The following DGKH variants were observed in gnomAD, a reference collection of about 807,000 sequenced individuals.
DGKH encodes the protein diacylglycerol kinase eta, also known as DAG kinase eta.
A neutral mutation model predicts 159.3 loss-of-function variants in DGKH; 90 were observed. The observed-to-expected ratio is 0.57, with a 90% CI of 0.48 to 0.67. The LOEUF (loss-of-function observed/expected upper bound fraction) is 0.67. Ranked by LOEUF, DGKH falls within the 30% of genes least tolerant of loss-of-function variation. The pLI is 0.00. For missense variants in DGKH, 1,181 were observed against 1,506.1 expected (o/e 0.78, Z 3.57); for synonymous variants, 536 against 553.8 (o/e 0.97, Z 0.45).
chr13:42,045,247 A>G (rs1269573793), upstream of DGKH, among the ~76,000 whole-genome samples: 1 of 152,202 alleles, frequency 6.6e-6, no homozygotes, highest in East Asian at 1.9e-4. Flanking sequence ...CCCAGAGTTT[A>G]AGGACGCAGT....
chr13:42,164,521 G>A (rs1214486906), intron 7 of DGKH, among the ~76,000 whole-genome samples: 1 of 152,082 alleles, frequency 6.6e-6, no homozygotes, highest in Admixed American at 6.5e-5. Flanking sequence ...TTTTCTAAAA[G>A]GACTAATAAA....
chr13:42,127,436 T>C (rs754758594), intron 1 of DGKH, 27 bp from the exon 2 acceptor site: 2 of 1,517,840 alleles, frequency 1.3e-6, no homozygotes, highest in Non-Finnish European at 1.8e-6. Context: ...ATTTTAATCG[T>C]GTCATTGTGC....
At position 42,168,882 on chromosome 13, in the gene DGKH, A is replaced by G. The variant is rs111844623; in HGVS notation, c.1367+64A>G. 18 of 1,494,470 alleles carry G rather than the reference A, an allele frequency of 1.2e-5. No individual in the cohort carries two copies. In the African/African-American group the frequency reaches 1.6e-4, roughly 13 times the overall value. The allele number at this position is 1,494,470 out of a possible 1,614,324, so 92.6% of individuals were successfully genotyped here. On this transcript the variant is annotated intron_variant, in intron 11 of 29. Transcript: ENST00000337343. ...GCATACTGAAATCATTTTTTTGATG[A>G]TTTCTTAATAAATATTTATTAATAA...
chr13:42,245,679 A>G (rs1958575717), downstream of DGKH, among the ~76,000 whole-genome samples: 1 of 151,976 alleles, frequency 6.6e-6, no homozygotes, highest in Admixed American at 6.6e-5. Flanking sequence ...ACCGCCTCCC[A>G]GGTTCAAGGG....
chr13:42,228,631 A>G (rs2138281814), intron 29 of DGKH, among the ~76,000 whole-genome samples: 1 of 149,236 alleles, frequency 6.7e-6, no homozygotes, highest in East Asian at 1.9e-4. Context: ...GGAGAGAGAG[A>G]AGAAAAAGAA....
At chr13:42,063,964 T>C (rs938150987) in intron 1 of DGKH, among the ~76,000 whole-genome samples, 1 of 150,710 alleles carries the variant, frequency 6.6e-6, no homozygotes, top group East Asian at 2.0e-4. Context: ...TATATATATA[T>C]ACTGTGGGCT....
intron 1 of DGKH, among the ~76,000 whole-genome samples, chr13:42,104,021 GTTTA>G (rs2137781798): frequency 6.6e-6 from 1 of 152,294 alleles, no homozygotes; most frequent in Non-Finnish European, 1.5e-5. Context: ...TAACATCAAA[GTTTA>G]TTTCTCTCTC....
rs1957169470 is a variant in DGKH, at chr13:42,194,999, C to T, written c.2150C>T (p.Thr717Ile). ...AAAGAAAACCTCCCTGTGCTCAATA[C>T]CAGAATAATCTGCCCAGGTAGTACA... The part of the protein sequence containing the change: ...ASKENLPVLN[T>I]RIICPGLRAG... Residue 717 changes from threonine (T) to isoleucine (I), a missense_variant, in exon 17 of 30, where the codon ACC becomes ATC. Thr to Ile is a moderately conservative substitution (Grantham distance 89). This residue lies in a region of DGKH where 257 missense variants were observed against 281.5 expected (regional missense o/e 0.91). Transcript: ENST00000337343. The T allele has an allele frequency of 2.5e-6, 4 of 1,613,698 alleles. No individual in the cohort carries two copies. Among genetic ancestry groups the T allele is most frequent in the Non-Finnish European group, 3.4e-6 (4 of 1,179,890 alleles).
intron 3 of DGKH, among the ~76,000 whole-genome samples, chr13:42,137,205 T>TA (rs1955419198): frequency 6.6e-6 from 1 of 152,204 alleles, no homozygotes; most frequent in South Asian, 2.1e-4. Flanking sequence ...AATATTTACT[T>TA]ACAAAGGCAA....
intron 1 of DGKH, among the ~76,000 whole-genome samples, chr13:42,111,544 C>T (rs1164144326): frequency 6.6e-6 from 1 of 152,132 alleles, no homozygotes; most frequent in African/African-American, 2.4e-5. Flanking sequence ...TGTGCCACTG[C>T]ACTCCAGCCT....
rs1485331409 is a variant in DGKH at position 42,224,904 on chromosome 13, AT to A, written c.3573+3511del. Among the ~76,000 whole-genome samples, 35 of 106,784 alleles carry A rather than the reference AT, an allele frequency of 3.3e-4. 1 individual carries two copies. Among genetic ancestry groups the A allele is most frequent in the Middle Eastern group, 5.6e-3 (1 of 180 alleles). The allele number at this position is 106,784 out of a possible 152,430, so 70.1% of individuals were successfully genotyped here. ...TAAAGTTGGGAAAAGGAAAAAAAAA[AT>A]ATATATATATATACATATATTTGTT... On this transcript the variant is annotated intron_variant, in intron 29 of 29. Transcript: ENST00000337343.
chr13:42,245,746 T>C, downstream of DGKH, among the ~76,000 whole-genome samples: 1 of 151,906 alleles, frequency 6.6e-6, no homozygotes, highest in East Asian at 1.9e-4. Flanking sequence ...CCAACACACC[T>C]GGCTAATTTT....
chr13:42,074,648 G>GCCCA (rs139031407), intron 1 of DGKH, among the ~76,000 whole-genome samples: 5 of 148,944 alleles, frequency 3.4e-5, no homozygotes, highest in Non-Finnish European at 7.4e-5. Flanking sequence ...GTATCTATCC[G>GCCCA]TCCATCCATC....
intron 3 of DGKH, among the ~76,000 whole-genome samples, chr13:42,135,862 A>G (rs1955393430): frequency 6.6e-6 from 1 of 152,234 alleles, no homozygotes; most frequent in East Asian, 1.9e-4. Context: ...CTCTGCCTCT[A>G]CTGTTCTCTT....
chr13:42,249,637 C>T (rs1353122818), intron 29 of DGKH, among the ~76,000 whole-genome samples: 2 of 152,100 alleles, frequency 1.3e-5, no homozygotes, highest in African/African-American at 4.8e-5. Context: ...AATGAATGGG[C>T]ATGGTTGGGT....
chr13:42,071,547 G>A (rs1483515126), intron 1 of DGKH, among the ~76,000 whole-genome samples: 2 of 152,344 alleles, frequency 1.3e-5, no homozygotes, highest in Non-Finnish European at 2.9e-5. Flanking sequence ...GAGCAGCATC[G>A]TTCTAAGGTG....
At chr13:42,220,239 A>C (rs1483244349) in intron 28 of DGKH, among the ~76,000 whole-genome samples, 4 of 152,176 alleles carry the variant, frequency 2.6e-5, no homozygotes, top group African/African-American at 9.7e-5. Context: ...TTACTCATTT[A>C]ACTTGCCGAT....
In DGKH at chr13:42,218,098, TG is replaced by T. The variant is rs568717811; in HGVS notation, c.3214-1131del. 2.6e-5 allele frequency among the ~76,000 whole-genome samples: 4 copies of T among 152,342 alleles called. No individual in the cohort carries two copies. The East Asian group carries it at 7.7e-4, about 29-fold the overall frequency. On this transcript the variant is annotated intron_variant, in intron 26 of 29. Transcript: ENST00000337343. Reference sequence around the variant, plus strand: ...TTCCAGAGGAAGAAATAAAGTCTCCTGAAGTCAATTAACCTTCCTTTGGTTA... The same window carrying T: ...TTCCAGAGGAAGAAATAAAGTCTCCTAAGTCAATTAACCTTCCTTTGGTTA...
intron 21 of DGKH, among the ~76,000 whole-genome samples, chr13:42,208,376 A>G (rs1402907567): frequency 1.3e-5 from 2 of 152,162 alleles, no homozygotes; most frequent in African/African-American, 4.8e-5. Flanking sequence ...ATAAGTCTGC[A>G]TAATTTTTAT....
Sources: gnomAD v4.1 joint callset for allele counts (sites outside exome capture counted in the v4.1 genomes callset) on GRCh38, gnomAD v4.1.1 for gene constraint, gnomAD v4.1.1 regional missense constraint, MANE v1.5 for transcripts, NCBI Gene and HGNC (gene_info 2026-07-23, HGNC 2026-07-21) for gene names.